The following KSR2 variants were observed in gnomAD, a reference collection of about 807,000 sequenced individuals.
KSR2 encodes the protein kinase suppressor of ras 2.
A neutral mutation model predicts 107.8 loss-of-function variants in KSR2; 25 were observed. The observed-to-expected ratio is 0.23, with a 90% confidence interval of 0.17 to 0.32. The LOEUF (loss-of-function observed/expected upper bound fraction) is 0.32, where lower values mean the gene tolerates loss of function less well. Ranked by LOEUF, KSR2 falls within the 10% of genes least tolerant of loss-of-function variation. The pLI, the probability that KSR2 is intolerant of heterozygous loss-of-function variation, is 1.00. For missense variants in KSR2, 887 were observed against 1,268.9 expected (o/e 0.70, Z 4.57); for synonymous variants, 480 against 507.0 (o/e 0.95, Z 0.71).
At chr12:117,856,939 G>T (rs569964737) in intron 2 of KSR2, among the ~76,000 whole-genome samples, 1 of 152,280 alleles carries the variant, frequency 6.6e-6, no homozygotes, top group African/African-American at 2.4e-5. Flanking sequence ...AACTCACCCA[G>T]GCAGGCAGGG....
At chr12:117,596,932 C>A (rs112462991) in intron 5 of KSR2, among the ~76,000 whole-genome samples, 1 of 152,192 alleles carries the variant, frequency 6.6e-6, no homozygotes, top group Non-Finnish European at 1.5e-5. Flanking sequence ...CACTTCATAT[C>A]TTCCCTTCAA....
intron 1 of KSR2, among the ~76,000 whole-genome samples, chr12:117,946,624 C>A (rs1896187344): frequency 6.6e-6 from 1 of 151,936 alleles, no homozygotes; most frequent in South Asian, 2.1e-4. Flanking sequence ...ATTACTTAGG[C>A]CCAGTATTAT....
chr12:117,964,691 C>CTA (rs1019350912), intron 1 of KSR2, among the ~76,000 whole-genome samples: 13 of 152,196 alleles, frequency 8.5e-5, no homozygotes, highest in African/African-American at 3.1e-4. Context: ...AACGTTATCT[C>CTA]TTTCAATCCT....
At chr12:117,738,284 A>G (rs1007361612) in intron 4 of KSR2, among the ~76,000 whole-genome samples, 9 of 152,230 alleles carry the variant, frequency 5.9e-5, no homozygotes, top group African/African-American at 1.9e-4. Flanking sequence ...ATTAAATAAG[A>G]AAACGCATTC....
chr12:117,875,065 G>A (rs561325959), intron 1 of KSR2, among the ~76,000 whole-genome samples: 1 of 152,264 alleles, frequency 6.6e-6, no homozygotes, highest in East Asian at 1.9e-4. Context: ...AAAATTTTCC[G>A]GGCCTTGGCC....
intron 3 of KSR2, among the ~76,000 whole-genome samples, chr12:117,794,693 A>T (rs1373223562): frequency 6.6e-6 from 1 of 152,048 alleles, no homozygotes; most frequent in African/African-American, 2.4e-5. Flanking sequence ...CAACAGGCAC[A>T]CACACACCAA....
chr12:117,543,355 C>T (rs1004489287), intron 9 of KSR2, among the ~76,000 whole-genome samples: 5 of 152,154 alleles, frequency 3.3e-5, no homozygotes, highest in Non-Finnish European at 5.9e-5. Flanking sequence ...CTTTAATTTA[C>T]ATTTCCTAAT....
Position 117,526,750 on chromosome 12 carries a change from T to C in KSR2, c.1851+321A>G, listed in dbSNP as rs556171131. Among the ~76,000 whole-genome samples, 22 of 152,266 alleles carry C rather than the reference T, an allele frequency of 1.4e-4. No homozygotes were observed. The South Asian group carries it at 4.6e-3, about 32-fold the overall frequency. On this transcript the variant is annotated intron_variant, in intron 13 of 19. Coordinates refer to ENST00000339824, the MANE Select transcript of KSR2 (RefSeq NM_173598.6). ...CCTGAGGCCCCCACCTCTTCCCACA[T>C]ATTCTTTTGAAGGCAGCGGGGCACA...
At chr12:117,892,787 C>CA (rs35897528) in intron 1 of KSR2, among the ~76,000 whole-genome samples, 4,440 of 86,678 alleles carry the variant, frequency 0.051, 188 homozygotes, top group Non-Finnish European at 0.079. Flanking sequence ...GTGCTATGTG[C>CA]AAAAAAAAAA....
At chr12:117,767,784 CAA>C (rs35307926) in intron 3 of KSR2, among the ~76,000 whole-genome samples, 15,440 of 85,732 alleles carry the variant, frequency 0.18, 1,031 homozygotes, top group African/African-American at 0.3. Context: ...GACTCCGTCT[CAA>C]AAAAAAAAAA....
chr12:117,848,721 G>A (rs1361764489), intron 3 of KSR2, among the ~76,000 whole-genome samples: 4 of 135,578 alleles, frequency 3.0e-5, no homozygotes, highest in Non-Finnish European at 5.1e-5. Context: ...GTGAGCTGGG[G>A]GAAGAAAAAG....
intron 4 of KSR2, among the ~76,000 whole-genome samples, chr12:117,742,239 T>C (rs1026537267): frequency 2.0e-5 from 3 of 152,250 alleles, no homozygotes; most frequent in Non-Finnish European, 2.9e-5. Flanking sequence ...TCAGGATAAC[T>C]GAATGCATTG....
intron 9 of KSR2, among the ~76,000 whole-genome samples, chr12:117,540,216 G>C (rs922797690): frequency 6.6e-6 from 1 of 152,104 alleles, no homozygotes; most frequent in Non-Finnish European, 1.5e-5. Flanking sequence ...GAGGTGTCCA[G>C]AGTACCCCTC....
rs1312905331 is a variant in KSR2, at chr12:117,459,841, T to C, written c.*7358A>G. ...TCCTAGCAGTGTCTATGAATGCTAG[T>C]GGTCAGCTCTTTTCTGTGGGCCAGT... On this transcript the variant is annotated 3_prime_UTR_variant, in exon 20 of 20. Coordinates refer to ENST00000339824, the MANE Select transcript of KSR2 (RefSeq NM_173598.6). 2.0e-5 allele frequency: 3 copies of C among 152,210 alleles called. No individual in the cohort carries two copies. The highest frequency in any genetic ancestry group is 7.2e-5 in the African/African-American group (3 of 41,458). The allele number at this position is 152,210 out of a possible 1,614,324, so 9.4% of individuals were successfully genotyped here. A position where few individuals can be genotyped will look rare whatever the true frequency, so the allele number is the denominator to read the frequency against.
rs146467800 is a variant in KSR2, at chr12:117,672,335, G to C, written c.987-4677C>G. Among the ~76,000 whole-genome samples, 1,194 of 152,266 alleles carry C rather than the reference G, an allele frequency of 7.8e-3. 10 individuals are homozygous for C. Among genetic ancestry groups the C allele is most frequent in the Non-Finnish European group, 0.013 (857 of 68,010 alleles). On this transcript the variant is annotated intron_variant, in intron 4 of 19. Transcript: ENST00000339824. ...TTAGTGGTTAAACTCATAGGCTTTG[G>C]GGTCAGAGAGACTGGGACTTAAGTC...
chr12:117,918,361 TG>T (rs1895243616), intron 1 of KSR2, among the ~76,000 whole-genome samples: 1 of 152,218 alleles, frequency 6.6e-6, no homozygotes, highest in Non-Finnish European at 1.5e-5. Flanking sequence ...TGTGACAATA[TG>T]GCCCCAGTCT....
chr12:117,838,510 T>C (rs575250309), intron 3 of KSR2, among the ~76,000 whole-genome samples: 3 of 152,162 alleles, frequency 2.0e-5, no homozygotes, highest in Non-Finnish European at 4.4e-5. Context: ...TGATGTGGGT[T>C]TGAGCACAAG....
At chr12:117,629,763 T>C (rs1245963080) in intron 5 of KSR2, among the ~76,000 whole-genome samples, 1 of 152,208 alleles carries the variant, frequency 6.6e-6, no homozygotes, top group East Asian at 1.9e-4. Context: ...CTTTAATTGA[T>C]AGTGAAGAAT....
intron 3 of KSR2, among the ~76,000 whole-genome samples, chr12:117,824,840 G>A (rs185482272): frequency 0.05 from 6,850 of 137,894 alleles, 203 homozygotes; most frequent in Non-Finnish European, 0.069. Flanking sequence ...CTGGGCGACA[G>A]AGCGAGACTC....
Sources: allele counts gnomAD v4.1 joint callset (sites outside exome capture counted in the v4.1 genomes callset), GRCh38; gene constraint gnomAD v4.1.1; transcripts MANE v1.5; gene names NCBI Gene and HGNC (gene_info 2026-07-23, HGNC 2026-07-21).